Variants in RTN4RL1 observed in about 807,000 individuals in gnomAD.
RTN4RL1 encodes the protein reticulon-4 receptor-like 1.
RTN4RL1 carries 7 observed loss-of-function variants against 25.6 expected under a neutral mutation model. The ratio of observed to expected loss-of-function variants is 0.27; its 90% CI spans 0.16 to 0.51. RTN4RL1 has a LOEUF of 0.51. Ranked by LOEUF, RTN4RL1 falls within the 20% of genes least tolerant of loss-of-function variation. The probability of loss-of-function intolerance (pLI) is 0.97; values close to 1 mark genes in which losing one functional copy is unlikely to be tolerated. For missense variants in RTN4RL1, 500 were observed against 615.6 expected (o/e 0.81, Z 1.99); for synonymous variants, 297 against 288.2 (o/e 1.03, Z -0.31).
rs370518676 is a variant in RTN4RL1, at chr17:1,936,587, G to A, written c.1235C>T (p.Ala412Val). ...GKCARRTPIR[A>V]PSGVQQASSA... ...GGAGGCCTGCTGCACCCCGCTGGGG[G>A]CACGGATGGGGGTCCTGCGGGCACA... is the stretch of plus-strand genomic sequence containing the variant. Residue 412 changes from alanine (A) to valine (V), a missense_variant, in exon 2 of 2, where the codon GCC becomes GTC. By Grantham distance (64) the Ala-to-Val change is moderately conservative (BLOSUM62 0). This residue lies in a region of RTN4RL1 where 268 missense variants were observed against 274.5 expected (regional missense o/e 0.98). Transcript: ENST00000331238. 103 of 1,577,412 alleles carry A rather than the reference G, an allele frequency of 6.5e-5. No homozygotes were observed. In the East Asian group the frequency reaches 2.0e-3, roughly 31 times the overall value.
chr17:1,975,128 CTT>C (rs2066837496), intron 1 of RTN4RL1, among the ~76,000 whole-genome samples: 1 of 152,206 alleles, frequency 6.6e-6, no homozygotes, highest in African/African-American at 2.4e-5. Flanking sequence ...CCAAAATGTA[CTT>C]TCTAGTTTTG....
Position 1,983,524 on chromosome 17 carries a change from G to A in RTN4RL1, c.13+41329C>T, listed in dbSNP as rs150723131. ...AGCGATCCTCCCACCTCAGCCACCC[G>A]AGCAGCTGAGACCATAGTCACACAG... On this transcript the variant is annotated intron_variant, in intron 1 of 1. Transcript: ENST00000331238. 5.7e-4 allele frequency among the ~76,000 whole-genome samples: 85 copies of A among 149,602 alleles called. 1 individual carries two copies. Among genetic ancestry groups the A allele is most frequent in the Middle Eastern group, 7.1e-3 (2 of 282 alleles).
intron 1 of RTN4RL1, among the ~76,000 whole-genome samples, chr17:2,005,153 ACAC>A (rs2066984636): frequency 6.6e-6 from 1 of 152,018 alleles, no homozygotes; most frequent in African/African-American, 2.4e-5. Context: ...CTACGGGTGC[ACAC>A]CACCACATTT....
chr17:2,025,265 A>C lies in RTN4RL1; in HGVS notation c.-400T>G. On this transcript the variant is annotated 5_prime_UTR_variant, in exon 1 of 2. Coordinates refer to ENST00000331238, the MANE Select transcript of RTN4RL1 (RefSeq NM_178568.4). This position sits in a 1 kb window ranked among gnomAD's most constrained non-coding sequence, Gnocchi z 4.8. ...GACCACCGCCGCCGCGGCTGCAGCA[A>C]AAGGGCGCTCGCACGCACCGCCGAG... The C allele has an allele frequency of 6.0e-6, 1 of 166,528 alleles. No individual in the cohort carries two copies. The highest frequency in any genetic ancestry group is 1.3e-5 in the Non-Finnish European group (1 of 77,930). 10.3% of individuals were successfully genotyped at this position (166,528 alleles called of 1,614,324 possible).
At chr17:1,945,365 G>C (rs541568454) in intron 1 of RTN4RL1, among the ~76,000 whole-genome samples, 9 of 152,302 alleles carry the variant, frequency 5.9e-5, no homozygotes, top group African/African-American at 1.7e-4. Context: ...TGGGATTACA[G>C]GTGCCCGCCA....
chr17:1,965,810 C>T (rs1205517593), intron 1 of RTN4RL1, among the ~76,000 whole-genome samples: 1 of 152,196 alleles, frequency 6.6e-6, no homozygotes, highest in Non-Finnish European at 1.5e-5. Flanking sequence ...TCCTCAGCCC[C>T]AGGACTCTCC....
chr17:2,003,147 C>G (rs1354455408), intron 1 of RTN4RL1: 1 of 152,294 alleles, frequency 6.6e-6, no homozygotes, highest in Admixed American at 6.6e-5. Flanking sequence ...CCCTTATCCT[C>G]CCAGGGATTG....
intron 1 of RTN4RL1, chr17:2,003,628 G>A (rs907585321): frequency 6.6e-6 from 1 of 152,360 alleles, no homozygotes; most frequent in East Asian, 1.9e-4. Context: ...CATCTGCCCA[G>A]GGTCAGGCAC....
intron 1 of RTN4RL1, among the ~76,000 whole-genome samples, chr17:1,999,142 T>TACACACACACACAC (rs147931732): frequency 1.4e-5 from 2 of 147,840 alleles, no homozygotes; most frequent in African/African-American, 5.0e-5. Context: ...GTGCTCATCA[T>TACACACACACACAC]ACACACACAC....
At chr17:1,985,623 T>C (rs1444081642) in intron 1 of RTN4RL1, among the ~76,000 whole-genome samples, 1 of 152,206 alleles carries the variant, frequency 6.6e-6, no homozygotes, top group Non-Finnish European at 1.5e-5. Flanking sequence ...ATTTTCTTCT[T>C]GGAATTTACA....
intron 1 of RTN4RL1, among the ~76,000 whole-genome samples, chr17:1,961,935 G>A (rs1485108728): frequency 1.4e-5 from 2 of 141,606 alleles, no homozygotes; most frequent in Non-Finnish European, 1.5e-5. Context: ...GCTACAGAGC[G>A]AGACTCTGCC....
At chr17:1,947,674 C>T (rs1915584773) in intron 1 of RTN4RL1, among the ~76,000 whole-genome samples, 1 of 152,234 alleles carries the variant, frequency 6.6e-6, no homozygotes, top group South Asian at 2.1e-4. Context: ...CCGCCACATT[C>T]TCAGGGGGCC....
chr17:1,952,946 G>T (rs1052140485), intron 1 of RTN4RL1, among the ~76,000 whole-genome samples: 1 of 151,688 alleles, frequency 6.6e-6, no homozygotes, highest in Non-Finnish European at 1.5e-5. Flanking sequence ...GTGTGGTGGC[G>T]TGCCTCTGTA....
intron 1 of RTN4RL1, among the ~76,000 whole-genome samples, chr17:1,957,030 G>A (rs779305578): frequency 6.6e-5 from 10 of 152,190 alleles, no homozygotes; most frequent in Non-Finnish European, 1.5e-4. Context: ...GTGAGCCACC[G>A]CGCCCAGCCA....
intron 1 of RTN4RL1, among the ~76,000 whole-genome samples, chr17:1,999,927 G>C (rs890067064): frequency 1.3e-5 from 2 of 152,226 alleles, no homozygotes; most frequent in African/African-American, 4.8e-5. Flanking sequence ...CTGTCCCCAG[G>C]GGGGCAGGCA....
At chr17:1,950,468 A>G (rs1915650035) in intron 1 of RTN4RL1, among the ~76,000 whole-genome samples, 1 of 152,172 alleles carries the variant, frequency 6.6e-6, no homozygotes, top group South Asian at 2.1e-4. Flanking sequence ...AGAGATGTTT[A>G]GTTGGCTGCA....
chr17:2,006,684 G>A (rs185114638), intron 1 of RTN4RL1, among the ~76,000 whole-genome samples: 224 of 152,282 alleles, frequency 1.5e-3, no homozygotes, highest in African/African-American at 5.1e-3. Flanking sequence ...GCAGTCGCAC[G>A]ATCTCAGCTC....
At chr17:1,944,894 T>C (rs531449185) in intron 1 of RTN4RL1, among the ~76,000 whole-genome samples, 2 of 152,316 alleles carry the variant, frequency 1.3e-5, no homozygotes, top group South Asian at 4.1e-4. Flanking sequence ...GTATCTCATC[T>C]GACACAGTAG....
At chr17:1,962,863 G>GA (rs367639702) in intron 1 of RTN4RL1, among the ~76,000 whole-genome samples, 14 of 114,804 alleles carry the variant, frequency 1.2e-4, no homozygotes, top group African/African-American at 2.1e-4. Context: ...CTCGATCTCA[G>GA]AAAAAAAAAA....
Sources: allele counts gnomAD v4.1 joint callset (sites outside exome capture counted in the v4.1 genomes callset), GRCh38; gene constraint gnomAD v4.1.1; regional missense constraint gnomAD v4.1.1; non-coding constraint Gnocchi (gnomAD v3.1); transcripts MANE v1.5; gene names NCBI Gene and HGNC (gene_info 2026-07-23, HGNC 2026-07-21).